Variants in DGAT1 observed in about 807,000 individuals in gnomAD.
DGAT1 encodes the protein diacylglycerol O-acyltransferase 1.
Under a neutral mutation model 72.6 loss-of-function variants are expected in DGAT1, and 60 were observed. That is an observed-to-expected ratio of 0.83 (90% CI 0.67 to 1.02). The LOEUF (loss-of-function observed/expected upper bound fraction) is 1.02. DGAT1 is among the 50% of genes least tolerant of loss of function. The pLI, the probability that DGAT1 is intolerant of heterozygous loss-of-function variation, is 0.00. For synonymous variants in DGAT1, 290 were observed against 267.5 expected, an observed-to-expected ratio of 1.08 and a Z score of -0.82; for missense variants, 592 against 670.0, an observed-to-expected ratio of 0.88 and a Z score of 1.29.
intron 1 of DGAT1, among the ~76,000 whole-genome samples, chr8:144,322,111 C>G (rs1554848226): frequency 1.3e-5 from 2 of 152,208 alleles, no homozygotes; most frequent in African/African-American, 4.8e-5. Context: ...CAGGCACCCA[C>G]CCATGATCTC....
At chr8:144,324,728 C>T (rs536821456) in intron 1 of DGAT1, among the ~76,000 whole-genome samples, 1 of 152,192 alleles carries the variant, frequency 6.6e-6, no homozygotes, top group East Asian at 1.9e-4. Context: ...CCCCAGGTGG[C>T]GGCTTGGCCC....
Position 144,318,918 on chromosome 8 carries a change from T to C in DGAT1, c.332A>G (p.Tyr111Cys), listed in dbSNP as rs781998256. 2.5e-6 allele frequency: 4 copies of C among 1,582,596 alleles called. No homozygotes were observed. Among genetic ancestry groups the C allele is most frequent in the Non-Finnish European group, 2.6e-6 (3 of 1,164,040 alleles). ...ARLFLENLIKYGILVDPIQVV... is the reference protein window; with the variant it reads ...ARLFLENLIKCGILVDPIQVV... Reference sequence around the variant, plus strand: ...CTGGATGGGGTCCACCAGGATGCCATACCTGGGGGTGGAGGGATGGGGGTC... The same window carrying C: ...CTGGATGGGGTCCACCAGGATGCCACACCTGGGGGTGGAGGGATGGGGGTC... The change falls in exon 4 of 17, where the codon TAT (tyrosine) becomes TGT (cysteine). Residue 111 changes from tyrosine to cysteine, a missense_variant and splice_region_variant. Transcript: ENST00000528718.
In DGAT1 at chr8:144,318,884, A is replaced by G; in HGVS notation, c.366T>C (p.Ser122=). ...GILVDPIQVV[S]LFLKDPYSWP... ...AGCTATAGGGATCCTTCAGGAACAG[A>G]GAAACCACCTGGATGGGGTCCACCA... Residue 122 remains serine (S), a synonymous_variant, in exon 4 of 17, where the codon TCT becomes TCC. Transcript: ENST00000528718. 1 of 1,611,826 alleles carries G rather than the reference A, an allele frequency of 6.2e-7. No individual in the cohort carries two copies.
chr8:144,318,302 C>A lies in DGAT1; in HGVS notation c.635G>T (p.Arg212Leu), dbSNP rs373569005. Residue 212 changes from arginine (R) to leucine (L), a missense_variant, in exon 7 of 17, where the codon CGC becomes CTC. Transcript: ENST00000528718. ...CCTGCGGCACCATGAGTTGACGTCG[C>A]GGTAGGAGAAGAGCTTGAGGAAGAG... ...TILFLKLFSY[R>L]DVNSWCRRAR... is the part of the protein sequence containing the mutation. The A allele has an allele frequency of 1.9e-6, 3 of 1,612,774 alleles. No homozygotes were observed. The highest frequency in any genetic ancestry group is 2.5e-6 in the Non-Finnish European group (3 of 1,179,860).
chr8:144,316,556 A>G lies in DGAT1; in HGVS notation c.1465T>C (p.Ter489ArgextTer23). 6.3e-7 allele frequency: 1 copy of G among 1,591,434 alleles called. No individual in the cohort carries two copies. Among genetic ancestry groups the G allele is most frequent in the Non-Finnish European group, 8.5e-7 (1 of 1,169,610 alleles). Reference sequence around the variant, plus strand: ...GAAGCCAGGCCCTCAGGTGCAGCTCAGGCCTCTGCCGCTGGGGCCTCATAG... The same window carrying G: ...GAAGCCAGGCCCTCAGGTGCAGCTCGGGCCTCTGCCGCTGGGGCCTCATAG... Reference protein sequence around the residue: ...LNYEAPAAEA* With the variant: ...LNYEAPAAEAR Residue 489 changes from the stop codon to arginine, a stop_lost, in exon 17 of 17, where the codon TGA becomes CGA. Coordinates refer to ENST00000528718, the MANE Select transcript of DGAT1 (RefSeq NM_012079.6).
intron 3 of DGAT1, 27 bp downstream of exon 3, chr8:144,318,990 TGGGTGGGGCAG>T (rs1564632052): frequency 4.8e-6 from 4 of 828,556 alleles, no homozygotes; most frequent in Admixed American, 2.7e-5. Context: ...GGACAGGCCA[TGGGTGGGGCAG>T]GGGTGGGACC....
At chr8:144,325,829 G>A (rs908605889) in intron 1 of DGAT1, among the ~76,000 whole-genome samples, 3 of 152,142 alleles carry the variant, frequency 2.0e-5, no homozygotes, top group Admixed American at 2.0e-4. Flanking sequence ...TGGCAACATC[G>A]GCAGGGCTCC....
intron 1 of DGAT1, among the ~76,000 whole-genome samples, chr8:144,324,833 C>G (rs1817554728): frequency 6.6e-6 from 1 of 152,062 alleles, no homozygotes; most frequent in Non-Finnish European, 1.5e-5. Context: ...TTTGGGAGGC[C>G]AAGGCAGGTG....
Position 144,317,045 on chromosome 8 carries a change from G to A in DGAT1, c.1225C>T (p.Leu409=), listed in dbSNP as rs1817257330. 1.9e-6 allele frequency: 3 copies of A among 1,612,574 alleles called. No homozygotes were observed. Among genetic ancestry groups the A allele is most frequent in the Non-Finnish European group, 2.5e-6 (3 of 1,179,856 alleles). ...SKWMARTGVF[L]ASAFFHEYLV... is the part of the protein sequence containing the mutation. Reference sequence around the variant, plus strand: ...ACCTCGTGGAAGAAGGCCGAGGCCAGGAACACCCCTGTCCTGGCCATCCAC... The same window carrying A: ...ACCTCGTGGAAGAAGGCCGAGGCCAAGAACACCCCTGTCCTGGCCATCCAC... Residue 409 remains leucine, a synonymous_variant, in exon 15 of 17, where the codon CTG becomes TTG. Transcript: ENST00000528718.
At position 144,314,600 on chromosome 8, in the gene DGAT1, T is replaced by C. The variant is rs1334506500; in HGVS notation, c.*1954A>G. On this transcript the variant is annotated 3_prime_UTR_variant, in exon 17 of 17. Coordinates refer to ENST00000528718, the MANE Select transcript of DGAT1 (RefSeq NM_012079.6). Reference sequence around the variant, plus strand: ...CCCTGCAGGTTGTTCATAGTCAGAATTGTATTTTGGATTTTTACACAACTG... The same window carrying C: ...CCCTGCAGGTTGTTCATAGTCAGAACTGTATTTTGGATTTTTACACAACTG... 1.1e-5 allele frequency: 6 copies of C among 527,780 alleles called. No individual in the cohort carries two copies. 32.7% of individuals were successfully genotyped at this position (527,780 alleles called of 1,614,324 possible). A position where few individuals can be genotyped will look rare whatever the true frequency, so the allele number is the denominator to read the frequency against.
Position 144,316,446 on chromosome 8 carries a change from G to C in DGAT1, c.*108C>G. 7.3e-7 allele frequency: 1 copy of C among 1,364,706 alleles called. No individual in the cohort carries two copies. The allele number at this position is 1,364,706 out of a possible 1,614,324, so 84.5% of individuals were successfully genotyped here. Reference sequence around the variant, plus strand: ...GAGAGGCCTCCCTGGGACCAGAGGAGGATGCTGTGCAGCCAGGCCCATCCC... The same window carrying C: ...GAGAGGCCTCCCTGGGACCAGAGGACGATGCTGTGCAGCCAGGCCCATCCC... On this transcript the variant is annotated 3_prime_UTR_variant, in exon 17 of 17. Transcript: ENST00000528718.
chr8:144,315,966 C>G lies in DGAT1; in HGVS notation c.*588G>C, dbSNP rs528492929. 2 of 986,246 alleles carry G rather than the reference C, an allele frequency of 2.0e-6. No homozygotes were observed. The highest frequency in any genetic ancestry group is 1.2e-4 in the Admixed American group (2 of 16,408). The allele number at this position is 986,246 out of a possible 1,614,324, so 61.1% of individuals were successfully genotyped here. A position where few individuals can be genotyped will look rare whatever the true frequency, so the allele number is the denominator to read the frequency against. The stretch of plus-strand genomic sequence containing the variant: ...AGCCCACTTCCCGCAAACCCAGGGC[C>G]GACCTCTTCCCAAGCTGAAGCTGAG... On this transcript the variant is annotated 3_prime_UTR_variant, in exon 17 of 17. Coordinates refer to ENST00000528718, the MANE Select transcript of DGAT1 (RefSeq NM_012079.6).
rs1307351861 is a variant in DGAT1, at chr8:144,315,833, A to G, written c.*721T>C. On this transcript the variant is annotated 3_prime_UTR_variant, in exon 17 of 17. Transcript: ENST00000528718. Reference sequence around the variant, plus strand: ...AGGCTGCCAAACCGAGCCCTGCCCCAAGGCGAATAGCCATGGACATAGCCA... The same window carrying G: ...AGGCTGCCAAACCGAGCCCTGCCCCGAGGCGAATAGCCATGGACATAGCCA... The G allele has an allele frequency of 3.0e-6, 3 of 984,926 alleles. No individual in the cohort carries two copies. The Admixed American group carries it at 1.8e-4, about 61-fold the overall frequency. The allele number at this position is 984,926 out of a possible 1,614,324, so 61.0% of individuals were successfully genotyped here.
rs1554847394 is a variant in DGAT1, at chr8:144,317,784, C to T, written c.894G>A (p.Gln298=). 6 of 1,613,088 alleles carry T rather than the reference C, an allele frequency of 3.7e-6. No homozygotes were observed. The highest frequency in any genetic ancestry group is 1.3e-5 in the African/African-American group (1 of 74,904). ...FTQLQVGLIQ[Q]WMVPTIQNSM... is the part of the protein sequence containing the mutation. ...CCCAACCCTGCCCTACCCCACTTACCTGCTGGATCAGCCCCACCTGGAGCT... is the reference window on the plus strand; with the variant it reads ...CCCAACCCTGCCCTACCCCACTTACTTGCTGGATCAGCCCCACCTGGAGCT... The change falls in exon 10 of 17, where the codon CAG becomes CAA. Residue 298 remains glutamine, a splice_region_variant and synonymous_variant. Coordinates refer to ENST00000528718, the MANE Select transcript of DGAT1 (RefSeq NM_012079.6).
intron 4 of DGAT1, 26 bp from the exon 5 acceptor site, chr8:144,318,777 G>A: frequency 6.2e-7 from 1 of 1,607,052 alleles, no homozygotes; most frequent in Non-Finnish European, 8.5e-7. Context: ...CCAAGGGGCA[G>A]GTTTAGGGCC....
At chr8:144,321,979 G>A (rs1299319971) in intron 1 of DGAT1, among the ~76,000 whole-genome samples, 1 of 152,214 alleles carries the variant, frequency 6.6e-6, no homozygotes, top group African/African-American at 2.4e-5. Context: ...CCAGAGGCAG[G>A]GATCCAGCCC....
At chr8:144,323,257 A>C (rs1554848378) in intron 1 of DGAT1, among the ~76,000 whole-genome samples, 1 of 152,160 alleles carries the variant, frequency 6.6e-6, no homozygotes, top group Non-Finnish European at 1.5e-5. Flanking sequence ...GAGTCGGGAA[A>C]GGGTGGTGCT....
chr8:144,320,114 A>G (rs1817405164), intron 2 of DGAT1, among the ~76,000 whole-genome samples: 1 of 152,222 alleles, frequency 6.6e-6, no homozygotes, highest in South Asian at 2.1e-4. Context: ...AAAGCTGCCA[A>G]TGGACGGTAC....
chr8:144,320,438 G>C (rs1448595715), intron 2 of DGAT1, among the ~76,000 whole-genome samples: 4 of 152,298 alleles, frequency 2.6e-5, no homozygotes, highest in African/African-American at 9.6e-5. Context: ...GAACCTTCTA[G>C]GACCATGGGC....
Sources: gnomAD v4.1 joint callset for allele counts (sites outside exome capture counted in the v4.1 genomes callset) on GRCh38, gnomAD v4.1.1 for gene constraint, MANE v1.5 for transcripts, NCBI Gene and HGNC (gene_info 2026-07-23, HGNC 2026-07-21) for gene names.